The following ABCB1 variants were observed in gnomAD, a reference collection of about 807,000 sequenced individuals.
ABCB1 encodes the protein ATP-dependent translocase ABCB1.
Under a neutral mutation model 142.0 loss-of-function variants are expected in ABCB1, and 69 were observed. The ratio of observed to expected loss-of-function variants is 0.49; its 90% CI spans 0.40 to 0.59. The LOEUF (loss-of-function observed/expected upper bound fraction) is 0.59. Among genes scored for constraint, ABCB1 ranks in the 20% least tolerant of loss-of-function variants. The pLI, the probability that ABCB1 is intolerant of heterozygous loss-of-function variation, is 0.00. For missense variants in ABCB1, 1,326 were observed against 1,554.7 expected, an observed-to-expected ratio of 0.85 and a Z score of 2.47; for synonymous variants, 532 against 539.2, an observed-to-expected ratio of 0.99 and a Z score of 0.18.
chr7:87,679,414 G>T (rs1259475544), intron 1 of ABCB1, among the ~76,000 whole-genome samples: 1 of 148,538 alleles, frequency 6.7e-6, no homozygotes, highest in African/African-American at 2.5e-5. Flanking sequence ...TTTAAGACAG[G>T]ATCTCACCCT....
At chr7:87,541,660 A>C (rs1211812369) in intron 17 of ABCB1, among the ~76,000 whole-genome samples, 196 bp from the exon 18 acceptor site, 3 of 152,200 alleles carry the variant, frequency 2.0e-5, no homozygotes, top group Non-Finnish European at 4.4e-5. Flanking sequence ...TAGGTCTATC[A>C]TTCATAAATT....
chr7:87,588,165 T>TA (rs1421020190), intron 3 of ABCB1, among the ~76,000 whole-genome samples: 2 of 152,004 alleles, frequency 1.3e-5, no homozygotes, highest in African/African-American at 4.8e-5. Context: ...TGTTTTTTTT[T>TA]TTATTATTTT....
rs187110184 is a variant in ABCB1, at chr7:87,625,008, G to T, written c.-330-23930C>A. On this transcript the variant is annotated intron_variant, in intron 1 of 28. Transcript: ENST00000265724. ...GCGGCGGCTCACGCCTGTAATCCCA[G>T]CACTCTGGGAGGCCGAGAAGGGCGG... 3.9e-3 allele frequency among the ~76,000 whole-genome samples: 598 copies of T among 152,324 alleles called. 3 individuals carry two copies. Among genetic ancestry groups the T allele is most frequent in the African/African-American group, 0.014 (576 of 41,572 alleles).
At chr7:87,624,216 C>A (rs938762854) in intron 1 of ABCB1, among the ~76,000 whole-genome samples, 40 of 152,306 alleles carry the variant, frequency 2.6e-4, no homozygotes, top group Middle Eastern at 3.4e-3. Context: ...AGACGTGCCT[C>A]ACCCAATCCT....
chr7:87,516,731 CTTTTTTTTT>C, intron 23 of ABCB1, 66 bp from the exon 24 acceptor site: 11 of 804,586 alleles, frequency 1.4e-5, no homozygotes, highest in East Asian at 4.9e-5. Context: ...GCTGACACTC[CTTTTTTTTT>C]TTTTTTTTTT....
chr7:87,686,608 T>G (rs1310978816), intron 1 of ABCB1, among the ~76,000 whole-genome samples: 1 of 152,026 alleles, frequency 6.6e-6, no homozygotes, highest in African/African-American at 2.4e-5. Flanking sequence ...GATGTATTAG[T>G]GATTTTTGTA....
At position 87,539,352 on chromosome 7, in the gene ABCB1, G is replaced by A; in HGVS notation, c.2320-7C>T. On this transcript the variant is annotated splice_polypyrimidine_tract_variant and splice_region_variant and intron_variant, in intron 18 of 27. Coordinates refer to ENST00000622132, the MANE Select transcript of ABCB1 (RefSeq NM_001348946.2). ...CTTTGCCAAATGTGAAACCCTGTGG[G>A]CAGGAACATACCTTGTCAGGGACCC... 1 of 1,613,920 alleles carries A rather than the reference G, an allele frequency of 6.2e-7. No homozygotes were observed.
chr7:87,522,242 T>G, intron 21 of ABCB1: 1 of 1,052,960 alleles, frequency 9.5e-7, no homozygotes, highest in Non-Finnish European at 1.5e-6. Flanking sequence ...GTAATGATTT[T>G]GGCAATTACA....
chr7:87,507,070 T>G (rs1185747899), intron 26 of ABCB1, among the ~76,000 whole-genome samples: 1 of 152,118 alleles, frequency 6.6e-6, no homozygotes, highest in East Asian at 1.9e-4. Context: ...TACAAGGAGG[T>G]AGCTAAACCA....
intron 1 of ABCB1, among the ~76,000 whole-genome samples, chr7:87,663,068 C>T (rs901026838): frequency 2.6e-5 from 4 of 152,006 alleles, no homozygotes; most frequent in African/African-American, 9.7e-5. Flanking sequence ...AGGAAAGCTG[C>T]TGACTTTTTG....
At chr7:87,637,815 T>C (rs1821944068) in intron 1 of ABCB1, among the ~76,000 whole-genome samples, 1 of 152,084 alleles carries the variant, frequency 6.6e-6, no homozygotes, top group African/African-American at 2.4e-5. Flanking sequence ...TTTTTTGCAG[T>C]TAAAATTTTT....
chr7:87,680,080 T>C (rs1433265726), intron 1 of ABCB1, among the ~76,000 whole-genome samples: 1 of 150,430 alleles, frequency 6.6e-6, no homozygotes, highest in Non-Finnish European at 1.5e-5. Flanking sequence ...CCTGTGTCCA[T>C]GTGTTCTCGT....
chr7:87,534,640 A>G (rs1054930635), intron 20 of ABCB1, among the ~76,000 whole-genome samples: 2 of 152,088 alleles, frequency 1.3e-5, no homozygotes, highest in African/African-American at 2.4e-5. Context: ...CCAGCTGGGC[A>G]TGGCAGCTCA....
At chr7:87,709,467 T>C (rs1387613817) in intron 1 of ABCB1, 1 of 985,254 alleles carries the variant, frequency 1.0e-6, no homozygotes, top group Admixed American at 6.2e-5. Context: ...GAAGGAACAA[T>C]GGACTGAGCA....
intron 22 of ABCB1, among the ~76,000 whole-genome samples, chr7:87,520,206 G>C (rs769995032): frequency 6.6e-6 from 1 of 150,540 alleles, no homozygotes; most frequent in African/African-American, 2.5e-5. Context: ...AGACAAAAAG[G>C]CTCTACCATC....
At chr7:87,533,932 G>A (rs532340622) in intron 20 of ABCB1, among the ~76,000 whole-genome samples, 1 of 152,250 alleles carries the variant, frequency 6.6e-6, no homozygotes, top group Admixed American at 6.5e-5. Flanking sequence ...CTCATATAAG[G>A]TGAGTGCAGC....
rs199891187 is a variant in ABCB1, at chr7:87,515,350, C to T, written c.3163G>A (p.Gly1055Arg). 1.2e-6 allele frequency: 2 copies of T among 1,614,146 alleles called. No homozygotes were observed. The highest frequency in any genetic ancestry group is 1.7e-6 in the Non-Finnish European group (2 of 1,180,016). Reference protein sequence around the residue: ...PTRPDIPVLQGLSLEVKKGQT... With the variant: ...PTRPDIPVLQRLSLEVKKGQT... ...CCCTTCTTCACCTCCAGGCTCAGTC[C>T]CTGAAGCACTGGGATGTCCGGTCGG... The change falls in exon 25 of 28, where the codon GGA becomes AGA. Residue 1055 changes from glycine to arginine, a missense_variant. Physicochemically the swap from Gly to Arg is moderately radical, Grantham distance 125. Transcript: ENST00000622132.
chr7:87,643,248 T>C (rs1383488831), intron 1 of ABCB1, among the ~76,000 whole-genome samples: 1 of 152,086 alleles, frequency 6.6e-6, no homozygotes, highest in Admixed American at 6.5e-5. Context: ...TTACATTGCG[T>C]AAAATTTTTT....
intron 1 of ABCB1, among the ~76,000 whole-genome samples, chr7:87,680,743 C>T (rs181254158): frequency 3.3e-5 from 5 of 149,734 alleles, no homozygotes; most frequent in Admixed American, 2.7e-4. Context: ...TGCAGTGAGC[C>T]AAGATCGCGC....
Sources: gnomAD v4.1 joint callset for allele counts (sites outside exome capture counted in the v4.1 genomes callset) on GRCh38, gnomAD v4.1.1 for gene constraint, MANE v1.5 for transcripts, NCBI Gene and HGNC (gene_info 2026-07-23, HGNC 2026-07-21) for gene names.